Variants in FHOD3 observed in about 807,000 individuals in gnomAD.
FHOD3 encodes FH1/FH2 domain-containing protein 3.
In FHOD3, 90 loss-of-function variants were observed where a neutral mutation model predicts 173.0. That is an observed-to-expected ratio of 0.52 (90% CI 0.44 to 0.62). The LOEUF (loss-of-function observed/expected upper bound fraction) is 0.62. Ranked by LOEUF, FHOD3 falls within the 20% of genes least tolerant of loss-of-function variation. FHOD3 has a pLI of 0.00. For missense variants in FHOD3, 1,945 were observed against 2,034.7 expected (o/e 0.96, Z 0.85); for synonymous variants, 828 against 823.0 (o/e 1.01, Z -0.10).
chr18:36,673,115 T>G (rs1015349243), intron 14 of FHOD3, among the ~76,000 whole-genome samples: 30 of 152,318 alleles, frequency 2.0e-4, no homozygotes, highest in African/African-American at 6.5e-4. Context: ...CAGCTTTTGA[T>G]CATCTGTCTG....
chr18:36,567,387 AG>A (rs938353414), intron 5 of FHOD3, among the ~76,000 whole-genome samples: 50 of 152,222 alleles, frequency 3.3e-4, no homozygotes, highest in African/African-American at 1.1e-3. Flanking sequence ...TGGGCCCAGG[AG>A]TTGCTCCATC....
intron 10 of FHOD3, 141 bp downstream of exon 10, chr18:36,625,890 C>A (rs1187765042): frequency 1.5e-6 from 1 of 677,242 alleles, no homozygotes; most frequent in Non-Finnish European, 2.3e-6. Flanking sequence ...GACCATTAAA[C>A]CACCAGCCAA....
chr18:36,771,405 A>G (rs1305081568), intron 28 of FHOD3, among the ~76,000 whole-genome samples: 4 of 152,104 alleles, frequency 2.6e-5, no homozygotes. Flanking sequence ...GTGAAATAAC[A>G]TTTCCTGTGG....
rs772366943 is a variant in FHOD3 at position 36,718,138 on chromosome 18, G to A, written c.2840G>A (p.Gly947Glu). ...GCATTTGCTGAGAAATTCAACAGTG[G>A]GGACCTGGGGAGAGGTTCCATCTCC... Reference protein sequence around the residue: ...VKAFAEKFNSGDLGRGSISPD... With the variant: ...VKAFAEKFNSEDLGRGSISPD... Residue 947 changes from glycine to glutamate, a missense_variant, in exon 19 of 29, where the codon GGG (glycine) becomes GAG (glutamate). By Grantham distance (98) the Gly-to-Glu change is moderately conservative. Around this residue, in one of 5 missense-constraint regions of FHOD3, gnomAD observed 1,099 missense variants for 1,051.2 expected, o/e 1.05. Transcript: ENST00000590592. 8.1e-6 allele frequency: 13 copies of A among 1,605,894 alleles called. No individual in the cohort carries two copies. In the African/African-American group the frequency reaches 1.6e-4, roughly 20 times the overall value.
intron 16 of FHOD3, among the ~76,000 whole-genome samples, chr18:36,690,457 G>C (rs1289250644): frequency 1.3e-5 from 2 of 152,072 alleles, no homozygotes; most frequent in African/African-American, 4.8e-5. Context: ...GGGCCGGTGG[G>C]TCCTCAGATC....
chr18:36,320,136 G>A (rs942499244), intron 1 of FHOD3, among the ~76,000 whole-genome samples: 2 of 152,114 alleles, frequency 1.3e-5, no homozygotes, highest in African/African-American at 2.4e-5. Context: ...TAAGATCAGA[G>A]CAGAACTGAA....
chr18:36,668,579 G>A (rs2149294652), intron 14 of FHOD3, among the ~76,000 whole-genome samples: 1 of 151,918 alleles, frequency 6.6e-6, no homozygotes, highest in East Asian at 1.9e-4. Context: ...TGAGGTCATT[G>A]ATTTGAGACT....
chr18:36,503,576 C>T (rs147142528), intron 4 of FHOD3, among the ~76,000 whole-genome samples: 2 of 152,328 alleles, frequency 1.3e-5, no homozygotes, highest in Non-Finnish European at 2.9e-5. Flanking sequence ...GGTTTTGAAC[C>T]TGGTGCACCC....
rs558576610 is a variant in FHOD3, at chr18:36,683,876, A to G, written c.1970+2306A>G. Among the ~76,000 whole-genome samples, 25 of 152,340 alleles carry G rather than the reference A, an allele frequency of 1.6e-4. No homozygotes were observed. In the South Asian group the frequency reaches 3.9e-3, roughly 24 times the overall value. ...CATATCACTTTGCTCTCCTCCTGCTATATTGTCCTAGATGCAGATGCAGTT... is the reference window on the plus strand; with the variant it reads ...CATATCACTTTGCTCTCCTCCTGCTGTATTGTCCTAGATGCAGATGCAGTT... On this transcript the variant is annotated intron_variant, in intron 15 of 28. Coordinates refer to ENST00000590592, the MANE Select transcript of FHOD3 (RefSeq NM_001281740.3).
intron 3 of FHOD3, among the ~76,000 whole-genome samples, chr18:36,474,978 TACACACATACACACAC>T (rs1269663189): frequency 9.5e-5 from 9 of 95,094 alleles, no homozygotes; most frequent in African/African-American, 3.1e-4. Flanking sequence ...AGGTTGAAAA[TACACACATACACACAC>T]ACACACACAC....
At chr18:36,559,492 C>G (rs2058015199) in intron 5 of FHOD3, among the ~76,000 whole-genome samples, 1 of 152,150 alleles carries the variant, frequency 6.6e-6, no homozygotes, top group African/African-American at 2.4e-5. Context: ...TACTAATTAC[C>G]TACCATTCAC....
At chr18:36,644,568 A>G (rs967074843) in intron 10 of FHOD3, among the ~76,000 whole-genome samples, 7 of 152,214 alleles carry the variant, frequency 4.6e-5, no homozygotes, top group African/African-American at 1.7e-4. Context: ...CACTTATGAT[A>G]GCAAAGCTAC....
chr18:36,755,867 G>T (rs948755287), intron 25 of FHOD3, among the ~76,000 whole-genome samples: 1 of 152,168 alleles, frequency 6.6e-6, no homozygotes, highest in African/African-American at 2.4e-5. Context: ...AGGGTGGAAA[G>T]AGTTCCCAGA....
chr18:36,609,610 T>TC (rs2148590090), intron 8 of FHOD3, among the ~76,000 whole-genome samples: 1 of 145,934 alleles, frequency 6.9e-6, no homozygotes, highest in African/African-American at 2.5e-5. Flanking sequence ...TTTAGTTCTT[T>TC]TTTTTTTTTT....
rs555342559 is a variant in FHOD3 at position 36,643,059 on chromosome 18, G to A, written c.1197-6257G>A. ...ACTCAGCGTTATGTTTCTGGTGGTCGTCCATATTGTCACGTGAAGCTGGCA... is the reference window on the plus strand; with the variant it reads ...ACTCAGCGTTATGTTTCTGGTGGTCATCCATATTGTCACGTGAAGCTGGCA... On this transcript the variant is annotated intron_variant, in intron 10 of 28. Transcript: ENST00000590592. 3.3e-5 allele frequency among the ~76,000 whole-genome samples: 5 copies of A among 151,880 alleles called. No homozygotes were observed. The East Asian group carries it at 5.8e-4, about 18-fold the overall frequency.
At chr18:36,598,353 T>A (rs2030815355) in intron 7 of FHOD3, among the ~76,000 whole-genome samples, 1 of 152,170 alleles carries the variant, frequency 6.6e-6, no homozygotes, top group Non-Finnish European at 1.5e-5. Flanking sequence ...CAAATGAAGT[T>A]GTCCAGAACA....
chr18:36,518,139 G>GA (rs1426926625), intron 5 of FHOD3, among the ~76,000 whole-genome samples: 1 of 152,214 alleles, frequency 6.6e-6, no homozygotes, highest in Admixed American at 6.5e-5. Context: ...GTTGGGTTTA[G>GA]ACTACAGGGA....
At chr18:36,581,564 C>T (rs1203764757) in intron 6 of FHOD3, among the ~76,000 whole-genome samples, 1 of 152,208 alleles carries the variant, frequency 6.6e-6, no homozygotes, top group Non-Finnish European at 1.5e-5. Flanking sequence ...CCCCATATTG[C>T]TGATCACAGG....
At chr18:36,457,517 T>A (rs563705534) in intron 3 of FHOD3, among the ~76,000 whole-genome samples, 7 of 152,114 alleles carry the variant, frequency 4.6e-5, no homozygotes, top group African/African-American at 1.7e-4. Flanking sequence ...GGTGTCTGAA[T>A]CCAACAGTAA....
Sources: allele counts gnomAD v4.1 joint callset (sites outside exome capture counted in the v4.1 genomes callset), GRCh38; gene constraint gnomAD v4.1.1; regional missense constraint gnomAD v4.1.1; transcripts MANE v1.5; gene names NCBI Gene and HGNC (gene_info 2026-07-23, HGNC 2026-07-21).